Variants in SLC24A2 observed in about 807,000 individuals in gnomAD.
SLC24A2 encodes the protein solute carrier family 24 member 2.
In SLC24A2, 36 loss-of-function variants were observed where a neutral mutation model predicts 62.0. The observed-to-expected ratio is 0.58, with a 90% confidence interval of 0.44 to 0.77. The LOEUF (loss-of-function observed/expected upper bound fraction) is 0.77. SLC24A2 is among the 30% of genes least tolerant of loss of function. The probability of loss-of-function intolerance (pLI) is 0.00; values close to 1 mark genes in which losing one functional copy is unlikely to be tolerated. For missense variants in SLC24A2, 846 were observed against 817.9 expected (o/e 1.03, Z -0.42); for synonymous variants, 358 against 294.0 (o/e 1.22, Z -2.23).
At chr9:19,852,392 C>T in the SLC24A2 span, among the ~76,000 whole-genome samples, 6 of 152,146 alleles carry the variant, frequency 3.9e-5, no homozygotes, top group Non-Finnish European at 8.8e-5. Flanking sequence ...GAAATCTTTG[C>T]CCATGCCTAT....
the SLC24A2 span, among the ~76,000 whole-genome samples, chr9:19,996,386 G>A: frequency 3.9e-5 from 6 of 152,162 alleles, no homozygotes; most frequent in East Asian, 3.9e-4. Context: ...GTTCCACTCC[G>A]TAACATATTT....
intron 2 of SLC24A2, among the ~76,000 whole-genome samples, chr9:19,660,866 T>C (rs546922085): frequency 2.6e-5 from 4 of 152,334 alleles, no homozygotes; most frequent in African/African-American, 7.2e-5. Flanking sequence ...GGTAGTGTTA[T>C]GACCCCATTT....
chr9:19,721,419 T>C (rs1176905964), intron 2 of SLC24A2, among the ~76,000 whole-genome samples: 2 of 152,164 alleles, frequency 1.3e-5, no homozygotes, highest in Non-Finnish European at 2.9e-5. Flanking sequence ...TTGGAGCCAG[T>C]GCTTTAATTT....
chr9:19,818,574 A>T, the SLC24A2 span, among the ~76,000 whole-genome samples: 2 of 152,146 alleles, frequency 1.3e-5, no homozygotes, highest in African/African-American at 4.8e-5. Context: ...TAAGCAGAGA[A>T]TCAAATCAAT....
the SLC24A2 span, among the ~76,000 whole-genome samples, chr9:20,113,896 A>T: frequency 6.6e-6 from 1 of 152,202 alleles, no homozygotes; most frequent in African/African-American, 2.4e-5. Flanking sequence ...AATATAAAAC[A>T]ATAGTTTCAG....
chr9:20,251,312 T>C, the SLC24A2 span, among the ~76,000 whole-genome samples: 11 of 151,572 alleles, frequency 7.3e-5, no homozygotes, highest in Non-Finnish European at 1.0e-4. Flanking sequence ...GTATCCTTTA[T>C]AGAAGCAGAA....
At chr9:19,785,739 A>G (rs1329586963) in intron 2 of SLC24A2, among the ~76,000 whole-genome samples, 198 bp downstream of exon 2, 1 of 152,242 alleles carries the variant, frequency 6.6e-6, no homozygotes, top group African/African-American at 2.4e-5. Context: ...TGAGGAACTT[A>G]GTAAACATCT....
chr9:19,689,787 T>C (rs1236222484), intron 2 of SLC24A2, among the ~76,000 whole-genome samples: 1 of 152,080 alleles, frequency 6.6e-6, no homozygotes, highest in Non-Finnish European at 1.5e-5. Flanking sequence ...AAGTGATACA[T>C]AAAATTGACT....
the SLC24A2 span, among the ~76,000 whole-genome samples, chr9:19,883,794 T>C: frequency 6.6e-6 from 1 of 152,174 alleles, no homozygotes; most frequent in Non-Finnish European, 1.5e-5. Context: ...CTTGATCTCC[T>C]GACCTCGTGA....
At chr9:19,941,556 AGTGT>A in the SLC24A2 span, among the ~76,000 whole-genome samples, 672 of 134,140 alleles carry the variant, frequency 5.0e-3, 10 homozygotes, top group Middle Eastern at 0.019. Context: ...GAGGACTGGG[AGTGT>A]GTGTGTGTGT....
At chr9:19,710,502 A>C (rs1386016783) in intron 2 of SLC24A2, among the ~76,000 whole-genome samples, 1 of 152,226 alleles carries the variant, frequency 6.6e-6, no homozygotes, top group Non-Finnish European at 1.5e-5. Context: ...ATAGCTGAGA[A>C]GTTCCAGACA....
intron 2 of SLC24A2, among the ~76,000 whole-genome samples, chr9:19,762,891 T>C (rs879197054): frequency 6.6e-6 from 1 of 150,964 alleles, no homozygotes; most frequent in Admixed American, 6.6e-5. Flanking sequence ...TAGCATTGAA[T>C]CTATAAATTA....
the SLC24A2 span, among the ~76,000 whole-genome samples, chr9:20,218,498 C>G: frequency 6.6e-6 from 1 of 152,052 alleles, no homozygotes; most frequent in African/African-American, 2.4e-5. Flanking sequence ...CTAAAACCCA[C>G]CCTGGAAGAG....
the SLC24A2 span, among the ~76,000 whole-genome samples, chr9:20,182,965 A>G: frequency 1.3e-5 from 2 of 152,186 alleles, no homozygotes; most frequent in South Asian, 2.1e-4. Context: ...TTTAAAGTTG[A>G]TTTGTAAAAT....
At chr9:19,729,731 A>G (rs531318305) in intron 2 of SLC24A2, among the ~76,000 whole-genome samples, 1 of 152,282 alleles carries the variant, frequency 6.6e-6, no homozygotes, top group South Asian at 2.1e-4. Context: ...GGAGGAAGGG[A>G]GGGCTAGAGA....
At chr9:20,245,795 G>C in the SLC24A2 span, among the ~76,000 whole-genome samples, 9 of 152,130 alleles carry the variant, frequency 5.9e-5, no homozygotes, top group African/African-American at 2.2e-4. Context: ...GCTAAAATAG[G>C]AGATAATAGT....
At chr9:19,532,415 C>T (rs1833753274) in intron 8 of SLC24A2, among the ~76,000 whole-genome samples, 1 of 152,104 alleles carries the variant, frequency 6.6e-6, no homozygotes, top group East Asian at 1.9e-4. Flanking sequence ...TTTAAATCAG[C>T]TCTAAATTAT....
the SLC24A2 span, among the ~76,000 whole-genome samples, chr9:20,011,736 A>G: frequency 6.6e-6 from 1 of 152,184 alleles, no homozygotes; most frequent in East Asian, 1.9e-4. Context: ...TTAACCTAAA[A>G]ATAATTTTAC....
chr9:20,006,252 C>G, the SLC24A2 span, among the ~76,000 whole-genome samples: 1 of 151,334 alleles, frequency 6.6e-6, no homozygotes. Flanking sequence ...TTTCCATATT[C>G]ATGTTATTAA....
Sources: allele counts gnomAD v4.1 joint callset (sites outside exome capture counted in the v4.1 genomes callset), GRCh38; gene constraint gnomAD v4.1.1; transcripts MANE v1.5; gene names NCBI Gene and HGNC (gene_info 2026-07-23, HGNC 2026-07-21).